CDYL: variants seen among roughly 807,000 people sequenced by gnomAD.
CDYL encodes the protein chromodomain Y like.
Under a neutral mutation model 47.3 loss-of-function variants are expected in CDYL, and 8 were observed. The ratio of observed to expected loss-of-function variants is 0.17; its 90% CI spans 0.10 to 0.31. The LOEUF is 0.31. Ranked by LOEUF, CDYL falls within the 10% of genes least tolerant of loss-of-function variation. The pLI is 1.00. For missense variants in CDYL, 471 were observed against 701.4 expected (o/e 0.67, Z 3.71); for synonymous variants, 266 against 265.0 (o/e 1.00, Z -0.04).
intron 2 of CDYL, among the ~76,000 whole-genome samples, chr6:4,898,875 G>A (rs1762361799): frequency 1.3e-5 from 2 of 152,178 alleles, no homozygotes; most frequent in Admixed American, 6.5e-5. Flanking sequence ...CCTTTCCAAG[G>A]GAGTGCTTGC....
intron 1 of CDYL, among the ~76,000 whole-genome samples, chr6:4,855,055 G>C (rs1760966015): frequency 6.6e-6 from 1 of 152,140 alleles, no homozygotes; most frequent in African/African-American, 2.4e-5. Flanking sequence ...GTCTAGACAA[G>C]GTTGCTTTAG....
intron 2 of CDYL, among the ~76,000 whole-genome samples, chr6:4,902,275 G>T (rs538017244): frequency 1.3e-5 from 2 of 151,720 alleles, no homozygotes; most frequent in African/African-American, 4.8e-5. Context: ...GCGTGGTGGC[G>T]CATGCCTGTA....
intron 1 of CDYL, among the ~76,000 whole-genome samples, chr6:4,845,787 C>A (rs1003804017): frequency 6.6e-6 from 1 of 152,172 alleles, no homozygotes; most frequent in Non-Finnish European, 1.5e-5. Flanking sequence ...CTTTTTCCAA[C>A]CGCTGAAAAC....
At chr6:4,868,470 G>A (rs1388400701) in intron 1 of CDYL, among the ~76,000 whole-genome samples, 1 of 151,366 alleles carries the variant, frequency 6.6e-6, no homozygotes, top group Non-Finnish European at 1.5e-5. Context: ...ATTTTCTCTT[G>A]TCTTTAGCTT....
intron 1 of CDYL, among the ~76,000 whole-genome samples, chr6:4,819,154 C>CTGTGTG (rs1481715959): frequency 1.5e-5 from 2 of 137,612 alleles, no homozygotes; most frequent in African/African-American, 6.4e-5. Flanking sequence ...CTCTCTCTCT[C>CTGTGTG]TCTCTCTCTG....
chr6:4,800,276 ATTC>A (rs962008285), intron 1 of CDYL, among the ~76,000 whole-genome samples: 7 of 151,998 alleles, frequency 4.6e-5, no homozygotes, highest in African/African-American at 1.7e-4. Flanking sequence ...ATTAATTTTA[ATTC>A]TTCTGTTGGT....
chr6:4,829,437 T>G (rs1037297034), intron 1 of CDYL, among the ~76,000 whole-genome samples: 2 of 152,150 alleles, frequency 1.3e-5, no homozygotes, highest in Non-Finnish European at 2.9e-5. Context: ...TTCTCCTAGT[T>G]TTTGCATTTA....
intron 1 of CDYL, among the ~76,000 whole-genome samples, chr6:4,814,322 A>AG (rs1196513539): frequency 1.3e-5 from 2 of 152,152 alleles, no homozygotes; most frequent in African/African-American, 4.8e-5. Context: ...AAATCATGAG[A>AG]GGGGAAAAAC....
At chr6:4,804,306 G>T (rs1284390154) in intron 1 of CDYL, among the ~76,000 whole-genome samples, 5 of 152,216 alleles carry the variant, frequency 3.3e-5, no homozygotes, top group Non-Finnish European at 7.3e-5. Flanking sequence ...CCATTATTCA[G>T]TCATGTTGAA....
chr6:4,935,961 G>A (rs1384411618), intron 3 of CDYL, among the ~76,000 whole-genome samples, 190 bp downstream of exon 3: 7 of 152,314 alleles, frequency 4.6e-5, no homozygotes, highest in Middle Eastern at 3.4e-3. Flanking sequence ...TCCAATGGCC[G>A]TGAATTCAGG....
At chr6:4,909,095 T>G (rs1451905455) in intron 2 of CDYL, among the ~76,000 whole-genome samples, 2 of 152,242 alleles carry the variant, frequency 1.3e-5, no homozygotes. Flanking sequence ...TTCTCTGTAT[T>G]TCACCTGACG....
chr6:4,869,191 G>A (rs1325778464), intron 1 of CDYL, among the ~76,000 whole-genome samples: 4 of 151,912 alleles, frequency 2.6e-5, no homozygotes, highest in Non-Finnish European at 4.4e-5. Context: ...TGCCTCCTGG[G>A]TTCAAGCGAT....
intron 2 of CDYL, among the ~76,000 whole-genome samples, chr6:4,916,922 G>T (rs1757573390): frequency 6.6e-6 from 1 of 152,194 alleles, no homozygotes; most frequent in Non-Finnish European, 1.5e-5. Context: ...GGGCCCTGAG[G>T]CTGATGGGGA....
chr6:4,721,862 T>C (rs1757376641), intron 2 of CDYL, among the ~76,000 whole-genome samples: 1 of 151,918 alleles, frequency 6.6e-6, no homozygotes, highest in Non-Finnish European at 1.5e-5. Context: ...GAATTTTTGT[T>C]TTTTGGGGTT....
At chr6:4,888,652 G>A (rs184495687) in intron 1 of CDYL, among the ~76,000 whole-genome samples, 8 of 152,048 alleles carry the variant, frequency 5.3e-5, no homozygotes, top group African/African-American at 1.9e-4. Context: ...CTTTTCTCCT[G>A]CTTGCCTTGG....
chr6:4,822,467 C>T (rs1485979998), intron 1 of CDYL, among the ~76,000 whole-genome samples: 1 of 152,024 alleles, frequency 6.6e-6, no homozygotes, highest in Non-Finnish European at 1.5e-5. Flanking sequence ...TTGGAATAAC[C>T]AGCCTGAGAG....
chr6:4,709,329 G>A (rs555133683), intron 1 of CDYL, among the ~76,000 whole-genome samples: 2 of 152,172 alleles, frequency 1.3e-5, no homozygotes, highest in South Asian at 2.1e-4. Context: ...CCAAGTAGCT[G>A]GAATTAAAGG....
intron 3 of CDYL, among the ~76,000 whole-genome samples, chr6:4,765,525 G>T (rs1023773573): frequency 1.3e-5 from 2 of 151,036 alleles, no homozygotes; most frequent in Admixed American, 6.6e-5. Flanking sequence ...CATTTGAAAA[G>T]AAGACTGAAG....
At position 4,953,970 on chromosome 6, in the gene CDYL, T is replaced by A. The variant is rs1197642793; in HGVS notation, c.1549T>A (p.Cys517Ser). The change falls in exon 7 of 7, where the codon TGT becomes AGT. Residue 517 changes from cysteine to serine, a missense_variant. Cys to Ser is a moderately radical substitution (Grantham distance 112). Transcript: ENST00000397588. ...GCTGGAGCAGGCCAACGAGAGGGAG[T>A]GTGAGGTGCTGAAGAAAATCTGGGG... ...MELEQANERE[C>S]EVLKKIWGSA... The A allele has an allele frequency of 1.9e-6, 3 of 1,611,624 alleles. No individual in the cohort carries two copies. Among genetic ancestry groups the A allele is most frequent in the Non-Finnish European group, 1.7e-6 (2 of 1,179,160 alleles).
Sources: allele counts gnomAD v4.1 joint callset (sites outside exome capture counted in the v4.1 genomes callset), GRCh38; gene constraint gnomAD v4.1.1; transcripts MANE v1.5; gene names NCBI Gene and HGNC (gene_info 2026-07-23, HGNC 2026-07-21).